Variants in NBPF26 observed in about 807,000 individuals in gnomAD.
The protein encoded by NBPF26 is NBPF family member NBPF26.
In NBPF26, 79 loss-of-function variants were observed where a neutral mutation model predicts 119.6. That is an observed-to-expected ratio of 0.66 (90% CI 0.55 to 0.80). NBPF26 has a LOEUF of 0.80. NBPF26 is among the 30% of genes least tolerant of loss of function. The pLI, the probability that NBPF26 is intolerant of heterozygous loss-of-function variation, is 0.00. For missense variants in NBPF26, 800 were observed against 1,198.2 expected, an observed-to-expected ratio of 0.67 and a Z score of 4.91; for synonymous variants, 299 against 457.7, an observed-to-expected ratio of 0.65 and a Z score of 4.43.
chr1:120,727,806 TC>T (rs1429543597), intron 1 of NBPF26, among the ~76,000 whole-genome samples: 1 of 117,346 alleles, frequency 8.5e-6, no homozygotes, highest in Admixed American at 8.1e-5. Context: ...TGTTTTTGTT[TC>T]CCCCCCTTTC....
At chr1:120,806,323 C>G (rs1174261000) in intron 5 of NBPF26, among the ~76,000 whole-genome samples, 1 of 114,556 alleles carries the variant, frequency 8.7e-6, no homozygotes, top group African/African-American at 4.4e-5. Context: ...GGCCGTGCAA[C>G]GTGGCTCACT....
Position 120,728,391 on chromosome 1 carries a change from C to A in NBPF26, c.73+4141C>A, listed in dbSNP as rs1328799358. Among the ~76,000 whole-genome samples, 2 of 107,764 alleles carry A rather than the reference C, an allele frequency of 1.9e-5. 1 individual carries two copies. The highest frequency in any genetic ancestry group is 1.8e-4 in the Admixed American group (2 of 11,060). The allele number at this position is 107,764 out of a possible 152,430, so 70.7% of individuals were successfully genotyped here. A position where few individuals can be genotyped will look rare whatever the true frequency, so the allele number is the denominator to read the frequency against. ...TGCTTACCTTACATTTGGGGAAAAA[C>A]CAAATTTTTCCCTTCCCCAGATGTT... On this transcript the variant is annotated intron_variant, in intron 1 of 29. Coordinates refer to ENST00000620612, the Ensembl canonical transcript of NBPF26.
chr1:120,804,348 G>A (rs1169083374), intron 4 of NBPF26, among the ~76,000 whole-genome samples: 3 of 104,376 alleles, frequency 2.9e-5, no homozygotes, highest in African/African-American at 6.3e-5. Context: ...ACTGAGGATC[G>A]CCAACCAACC....
chr1:120,802,129 G>T (rs1651590134), intron 4 of NBPF26, among the ~76,000 whole-genome samples: 1 of 111,738 alleles, frequency 8.9e-6, no homozygotes, highest in Non-Finnish European at 1.7e-5. Context: ...TTCTTTATCA[G>T]CAAAACAGAA....
chr1:120,805,748 A>G lies in NBPF26; in HGVS notation c.944A>G (p.Asn315Ser). 7 of 1,430,470 alleles carry G rather than the reference A, an allele frequency of 4.9e-6. 2 individuals carry two copies. Among genetic ancestry groups the G allele is most frequent in the Non-Finnish European group, 6.6e-6 (7 of 1,060,042 alleles). The allele number at this position is 1,430,470 out of a possible 1,614,324, so 88.6% of individuals were successfully genotyped here. Residue 315 changes from asparagine (N) to serine (S), a missense_variant, in exon 5 of 30, where the codon AAC becomes AGC. Asn to Ser is a conservative substitution (Grantham distance 46). This residue lies in a region of NBPF26 where 155 missense variants were observed against 143.7 expected (regional missense o/e 1.08). Coordinates refer to ENST00000620612, the Ensembl canonical transcript of NBPF26. Reference sequence around the variant, plus strand: ...ACTCAACTGGCCGGCTTCCTGGCCAACCGACAGAAGAAATACAGTAAGATC... The same window carrying G: ...ACTCAACTGGCCGGCTTCCTGGCCAGCCGACAGAAGAAATACAGTAAGATC...
chr1:120,729,739 G>A (rs1262736239), intron 1 of NBPF26, among the ~76,000 whole-genome samples: 1 of 117,040 alleles, frequency 8.5e-6, no homozygotes, highest in East Asian at 2.1e-4. Flanking sequence ...AATAGCTCAG[G>A]TGTTCTCATG....
At chr1:120,810,000 T>C in intron 8 of NBPF26, 117 bp downstream of exon 8, 7 of 1,428,338 alleles carry the variant, frequency 4.9e-6, no homozygotes, top group Non-Finnish European at 6.7e-6. Flanking sequence ...GGCCACAGTA[T>C]GTGAAATTCA....
At chr1:120,838,460 G>T (rs1305763804) in intron 27 of NBPF26, among the ~76,000 whole-genome samples, 4 of 52,944 alleles carry the variant, frequency 7.6e-5, no homozygotes, top group Admixed American at 2.3e-4. Flanking sequence ...TCCCTCATCA[G>T]TGTGTCACCT....
intron 17 of NBPF26, among the ~76,000 whole-genome samples, chr1:120,823,593 C>A (rs1652176522): frequency 8.1e-6 from 1 of 123,462 alleles, no homozygotes; most frequent in African/African-American, 3.9e-5. Flanking sequence ...AAGCTGTATT[C>A]TCATGGTAAC....
At position 120,806,184 on chromosome 1, in the gene NBPF26, C is replaced by T. The variant is rs1265123294; in HGVS notation, c.961+419C>T. ...CTGTTGAGGCCCAACAGGCAAAGCTCTGTTCTAGTGACTCTGAGGGGAACT... is the reference window on the plus strand; with the variant it reads ...CTGTTGAGGCCCAACAGGCAAAGCTTTGTTCTAGTGACTCTGAGGGGAACT... On this transcript the variant is annotated intron_variant, in intron 5 of 29. Coordinates refer to ENST00000620612, the Ensembl canonical transcript of NBPF26. Among the ~76,000 whole-genome samples, 36 of 121,200 alleles carry T rather than the reference C, an allele frequency of 3.0e-4. 1 individual carries two copies. In the East Asian group the frequency reaches 6.8e-3, roughly 23 times the overall value. The allele number at this position is 121,200 out of a possible 152,430, so 79.5% of individuals were successfully genotyped here. A position where few individuals can be genotyped will look rare whatever the true frequency, so the allele number is the denominator to read the frequency against.
At chr1:120,788,020 T>C (rs1651441829) in intron 3 of NBPF26, among the ~76,000 whole-genome samples, 2 of 31,194 alleles carry the variant, frequency 6.4e-5, no homozygotes, top group South Asian at 1.0e-3. Context: ...CAGCAGGTTG[T>C]GTTTTTTTTT....
rs1399215100 is a variant in NBPF26, at chr1:120,810,923, C to T, written c.1564+365C>T. Among the ~76,000 whole-genome samples, 3 of 108,370 alleles carry T rather than the reference C, an allele frequency of 2.8e-5. 1 individual carries two copies. Among genetic ancestry groups the T allele is most frequent in the Non-Finnish European group, 5.3e-5 (3 of 56,276 alleles). 71.1% of individuals were successfully genotyped at this position (108,370 alleles called of 152,430 possible). A position where few individuals can be genotyped will look rare whatever the true frequency, so the allele number is the denominator to read the frequency against. On this transcript the variant is annotated intron_variant, in intron 9 of 29. Transcript: ENST00000620612. ...CTTCTGTCAGGCTAGACTCTCTCTC[C>T]TTTTCATTGGCTTGTCTTAGCTATT...
Position 120,802,694 on chromosome 1 carries a change from A to G in NBPF26, c.752-2862A>G, listed in dbSNP as rs1651595759. ...TAAGAATTCAAACTTCAGCAGTCAT[A>G]GGTAAGTAAGGAAGTCTTATAAACC... On this transcript the variant is annotated intron_variant, in intron 4 of 29. Coordinates refer to ENST00000620612, the Ensembl canonical transcript of NBPF26. Among the ~76,000 whole-genome samples, 2 of 119,496 alleles carry G rather than the reference A, an allele frequency of 1.7e-5. 1 individual carries two copies. The highest frequency in any genetic ancestry group is 3.3e-5 in the Non-Finnish European group (2 of 61,502). The allele number at this position is 119,496 out of a possible 152,430, so 78.4% of individuals were successfully genotyped here. A position where few individuals can be genotyped will look rare whatever the true frequency, so the allele number is the denominator to read the frequency against.
At position 120,785,242 on chromosome 1, in the gene NBPF26, T is replaced by C; in HGVS notation, c.415+9T>C. On this transcript the variant is annotated intron_variant, in intron 3 of 29. Coordinates refer to ENST00000620612, the Ensembl canonical transcript of NBPF26. Reference sequence around the variant, plus strand: ...TCAAGTCGGGTTTACAGGTAACTAATGAGACCAAAGCCAGTGCTTCCCTAC... The same window carrying C: ...TCAAGTCGGGTTTACAGGTAACTAACGAGACCAAAGCCAGTGCTTCCCTAC... 1 of 1,444,466 alleles carries C rather than the reference T, an allele frequency of 6.9e-7. No homozygotes were observed. Among genetic ancestry groups the C allele is most frequent in the Non-Finnish European group, 9.3e-7 (1 of 1,080,812 alleles). 89.5% of individuals were successfully genotyped at this position (1,444,466 alleles called of 1,614,324 possible).
rs1651666902 is a variant in NBPF26 at position 120,805,762 on chromosome 1, T to C, written c.958T>C (p.Tyr320His). Residue 320 changes from tyrosine (Y) to histidine (H), a missense_variant, in exon 5 of 30, where the codon TAC (tyrosine) becomes CAC (histidine). Physicochemically the swap from Tyr to His is moderately conservative, Grantham distance 83 (BLOSUM62 2). Transcript: ENST00000620612. ...CTTCCTGGCCAACCGACAGAAGAAA[T>C]ACAGTAAGATCTATAGGCTCACCAT... is the stretch of plus-strand genomic sequence containing the variant. 3 of 1,396,354 alleles carry C rather than the reference T, an allele frequency of 2.1e-6. 1 individual carries two copies. In the African/African-American group the frequency reaches 6.6e-5, roughly 31 times the overall value. 86.5% of individuals were successfully genotyped at this position (1,396,354 alleles called of 1,614,324 possible).
At chr1:120,765,863 A>G (rs1235461495) in intron 2 of NBPF26, among the ~76,000 whole-genome samples, 6 of 119,662 alleles carry the variant, frequency 5.0e-5, no homozygotes, top group African/African-American at 1.7e-4. Flanking sequence ...CATCATTCTC[A>G]GCAAACTAAC....
rs1301507672 is a variant in NBPF26, at chr1:120,816,926, A to T, written c.2371+99A>T. ...AAACACAAATTCATTTGAATAAAAA[A>T]CTGTGATGGGTTTCTAAACAGATAT... On this transcript the variant is annotated intron_variant, in intron 14 of 29. Coordinates refer to ENST00000620612, the Ensembl canonical transcript of NBPF26. The T allele has an allele frequency of 6.9e-6, 8 of 1,158,860 alleles. 2 individuals carry two copies. The highest frequency in any genetic ancestry group is 8.4e-6 in the Non-Finnish European group (7 of 837,706). 71.8% of individuals were successfully genotyped at this position (1,158,860 alleles called of 1,614,324 possible). A position where few individuals can be genotyped will look rare whatever the true frequency, so the allele number is the denominator to read the frequency against.
At position 120,790,701 on chromosome 1, in the gene NBPF26, G is replaced by A. The variant is rs1262866373; in HGVS notation, c.416-2460G>A. Among the ~76,000 whole-genome samples, 219 of 110,924 alleles carry A rather than the reference G, an allele frequency of 2.0e-3. 74 individuals are homozygous for A. The highest frequency in any genetic ancestry group is 0.012 in the African/African-American group (213 of 17,842). 72.8% of individuals were successfully genotyped at this position (110,924 alleles called of 152,430 possible). On this transcript the variant is annotated intron_variant, in intron 3 of 29. Coordinates refer to ENST00000620612, the Ensembl canonical transcript of NBPF26. ...TGCAACCTCCACCTCTTGGGTTCGA[G>A]TGATTCTTGTGCCTCAGCCTCCCAG...
chr1:120,829,574 AC>A (rs1652296231), intron 18 of NBPF26, among the ~76,000 whole-genome samples: 1 of 104,502 alleles, frequency 9.6e-6, no homozygotes, highest in South Asian at 3.3e-4. Context: ...AATTTTACCC[AC>A]AGTTTCTGGG....
Sources: allele counts gnomAD v4.1 joint callset (sites outside exome capture counted in the v4.1 genomes callset), GRCh38; gene constraint gnomAD v4.1.1; regional missense constraint gnomAD v4.1.1; transcripts MANE v1.5; gene names NCBI Gene and HGNC (gene_info 2026-07-23, HGNC 2026-07-21).